Variants in CTNNA3 observed in about 807,000 individuals in gnomAD.
CTNNA3 encodes the protein catenin alpha 3, also known as catenin alpha-3.
In CTNNA3, 76 loss-of-function variants were observed where a neutral mutation model predicts 95.7. That is an observed-to-expected ratio of 0.79 (90% confidence interval 0.66 to 0.96). The LOEUF is 0.96. CTNNA3 is among the 40% of genes least tolerant of loss of function. The pLI, the probability that CTNNA3 is intolerant of heterozygous loss-of-function variation, is 0.00. For missense variants in CTNNA3, 1,191 were observed against 1,089.8 expected, an observed-to-expected ratio of 1.09 and a Z score of -1.31; for synonymous variants, 431 against 374.4, an observed-to-expected ratio of 1.15 and a Z score of -1.74.
chr10:66,103,329 A>G, intron 13 of CTNNA3, 80 bp from the exon 14 acceptor site: 1 of 1,072,940 alleles, frequency 9.3e-7, no homozygotes, highest in Non-Finnish European at 1.4e-6. Flanking sequence ...AGTACCTTAA[A>G]AGGGTAATCA....
chr10:67,555,167 C>T (rs965549405), intron 3 of CTNNA3, among the ~76,000 whole-genome samples: 2 of 151,840 alleles, frequency 1.3e-5, no homozygotes, highest in East Asian at 1.9e-4. Context: ...TCTTGTAGTT[C>T]AGTTTGAAGT....
At chr10:67,448,185 T>C (rs556575076) in intron 5 of CTNNA3, among the ~76,000 whole-genome samples, 3 of 152,228 alleles carry the variant, frequency 2.0e-5, no homozygotes, top group South Asian at 2.1e-4. Context: ...AATCAAATAA[T>C]GAGGGAGGAG....
chr10:66,874,154 G>A (rs1344088), intron 7 of CTNNA3, among the ~76,000 whole-genome samples: 65,486 of 151,794 alleles, frequency 0.43, 14,429 homozygotes, highest in Non-Finnish European at 0.47. Context: ...TCAGGAACAA[G>A]TGTACCTTAG....
At chr10:66,789,421 C>T (rs1437093687) in intron 7 of CTNNA3, among the ~76,000 whole-genome samples, 2 of 152,136 alleles carry the variant, frequency 1.3e-5, no homozygotes, top group African/African-American at 2.4e-5. Context: ...ATAATCCACC[C>T]GCCTCAGCCT....
At chr10:66,011,479 T>G (rs557763595) in intron 15 of CTNNA3, among the ~76,000 whole-genome samples, 23 of 152,298 alleles carry the variant, frequency 1.5e-4, no homozygotes, top group African/African-American at 5.3e-4. Flanking sequence ...CTGGTAAGTT[T>G]TAATTGTATG....
chr10:67,425,091 G>A (rs1249952245), intron 5 of CTNNA3, among the ~76,000 whole-genome samples: 4 of 152,082 alleles, frequency 2.6e-5, no homozygotes, highest in Non-Finnish European at 5.9e-5. Flanking sequence ...TAAATTACAT[G>A]TAATAAAAGT....
At chr10:66,978,506 G>A (rs1468379335) in intron 7 of CTNNA3, among the ~76,000 whole-genome samples, 1 of 78,530 alleles carries the variant, frequency 1.3e-5, no homozygotes, top group African/African-American at 4.3e-5. Flanking sequence ...CAGCCTGGAT[G>A]ATAGAGTGAG....
chr10:66,909,343 C>T (rs1272317454), intron 7 of CTNNA3, among the ~76,000 whole-genome samples: 1 of 152,024 alleles, frequency 6.6e-6, no homozygotes, highest in Non-Finnish European at 1.5e-5. Flanking sequence ...AACCCCATCT[C>T]TACTAAAAAT....
chr10:67,762,058 A>G (rs1354134869), intron 1 of CTNNA3, among the ~76,000 whole-genome samples: 1 of 152,038 alleles, frequency 6.6e-6, no homozygotes, highest in Non-Finnish European at 1.5e-5. Context: ...ACTGCATTAA[A>G]TGACAATGCT....
At chr10:66,254,894 A>C (rs2090701094) in intron 13 of CTNNA3, among the ~76,000 whole-genome samples, 1 of 152,208 alleles carries the variant, frequency 6.6e-6, no homozygotes, top group Admixed American at 6.5e-5. Context: ...CCAGTGAACC[A>C]GCTTAAGTAC....
intron 5 of CTNNA3, among the ~76,000 whole-genome samples, chr10:67,399,332 T>C (rs1436329801): frequency 2.6e-5 from 4 of 152,226 alleles, no homozygotes; most frequent in Non-Finnish European, 5.9e-5. Context: ...ACCAATATTA[T>C]TAATTTTATA....
chr10:67,453,876 A>C (rs1462889506), intron 5 of CTNNA3, among the ~76,000 whole-genome samples: 1 of 152,204 alleles, frequency 6.6e-6, no homozygotes, highest in East Asian at 1.9e-4. Context: ...ATCCCAGAGC[A>C]ATATGATTAC....
At chr10:67,760,823 A>G (rs1841458276) in intron 1 of CTNNA3, among the ~76,000 whole-genome samples, 1 of 152,144 alleles carries the variant, frequency 6.6e-6, no homozygotes, top group African/African-American at 2.4e-5. Flanking sequence ...ATGATCTGTC[A>G]CTGCCTCCCA....
chr10:66,805,315 C>G (rs1841595665), intron 7 of CTNNA3, among the ~76,000 whole-genome samples: 5 of 151,544 alleles, frequency 3.3e-5, no homozygotes. Context: ...TGCAAATCAT[C>G]AAACCTAGGA....
chr10:66,023,126 A>G (rs1046110049), intron 15 of CTNNA3, among the ~76,000 whole-genome samples: 1 of 152,218 alleles, frequency 6.6e-6, no homozygotes, highest in Non-Finnish European at 1.5e-5. Flanking sequence ...AGAACAAAAC[A>G]TATCATGAAC....
At chr10:66,646,227 TG>T (rs1845702453) in intron 9 of CTNNA3, among the ~76,000 whole-genome samples, 1 of 151,908 alleles carries the variant, frequency 6.6e-6, no homozygotes, top group Non-Finnish European at 1.5e-5. Flanking sequence ...TAATACAATA[TG>T]AAAAAAATTG....
At chr10:66,923,928 T>C (rs1425762388) in intron 7 of CTNNA3, among the ~76,000 whole-genome samples, 1 of 152,252 alleles carries the variant, frequency 6.6e-6, no homozygotes, top group African/African-American at 2.4e-5. Flanking sequence ...CTGTTGTAGA[T>C]ATTAGGAAAA....
intron 7 of CTNNA3, among the ~76,000 whole-genome samples, chr10:67,013,964 T>C (rs930780085): frequency 6.6e-6 from 1 of 151,994 alleles, no homozygotes; most frequent in Non-Finnish European, 1.5e-5. Flanking sequence ...TAAATCAGGG[T>C]TTCCCAGGAC....
At chr10:67,352,290 T>C (rs931520888) in intron 5 of CTNNA3, among the ~76,000 whole-genome samples, 1 of 151,956 alleles carries the variant, frequency 6.6e-6, no homozygotes, top group African/African-American at 2.4e-5. Context: ...AGCTGCATGA[T>C]TTGAAGAGGC....
Sources: gnomAD v4.1 joint callset for allele counts (sites outside exome capture counted in the v4.1 genomes callset) on GRCh38, gnomAD v4.1.1 for gene constraint, MANE v1.5 for transcripts, NCBI Gene and HGNC (gene_info 2026-07-23, HGNC 2026-07-21) for gene names.